Variants in PSTPIP2 observed in about 807,000 individuals in gnomAD.
The protein encoded by PSTPIP2 is proline-serine-threonine phosphatase interacting protein 2.
In PSTPIP2, 33 loss-of-function variants were observed where a neutral mutation model predicts 63.3. The observed-to-expected ratio is 0.52, with a 90% CI of 0.40 to 0.70. PSTPIP2 has a LOEUF of 0.70. PSTPIP2 is among the 30% of genes least tolerant of loss of function. PSTPIP2 has a pLI of 0.00. For synonymous variants in PSTPIP2, 125 were observed against 132.7 expected (o/e 0.94, Z 0.40); for missense variants, 312 against 400.7 (o/e 0.78, Z 1.89).
chr18:46,025,120 C>G (rs1290124685), intron 2 of PSTPIP2, among the ~76,000 whole-genome samples: 1 of 152,132 alleles, frequency 6.6e-6, no homozygotes, highest in African/African-American at 2.4e-5. Flanking sequence ...TATAAAAACA[C>G]TGATTGTTAC....
rs756384731 is a variant in PSTPIP2, at chr18:46,006,360, C to CTTTTTT, written c.355-835_355-830dup. ...TGAGCCACCATGCCCAGCCCTGGTA[C>CTTTTTT]TTTTTTTTTTTTTTTTTTTTTTTTT... On this transcript the variant is annotated intron_variant, in intron 5 of 14. Coordinates refer to ENST00000409746, the MANE Select transcript of PSTPIP2 (RefSeq NM_024430.4). Among the ~76,000 whole-genome samples the CTTTTTT allele has an allele frequency of 1.6e-4, 18 of 115,646 alleles. 9 individuals are homozygous for CTTTTTT. Among genetic ancestry groups the CTTTTTT allele is most frequent in the African/African-American group, 2.2e-4 (6 of 27,118 alleles). 75.9% of individuals were successfully genotyped at this position (115,646 alleles called of 152,430 possible).
intron 1 of PSTPIP2, among the ~76,000 whole-genome samples, chr18:46,066,662 A>C (rs1909199457): frequency 6.6e-6 from 1 of 152,236 alleles, no homozygotes; most frequent in Non-Finnish European, 1.5e-5. Flanking sequence ...CTTCTAAAGA[A>C]GCCAGAGCCC....
chr18:46,034,197 G>A (rs58261051), intron 2 of PSTPIP2, among the ~76,000 whole-genome samples: 9,951 of 152,112 alleles, frequency 0.065, 417 homozygotes, highest in African/African-American at 0.12. Context: ...CTGAGGCACC[G>A]GGGCTGTGGA....
chr18:45,985,445 T>C lies in PSTPIP2; in HGVS notation c.*14A>G, dbSNP rs1412287171. The C allele has an allele frequency of 1.2e-6, 2 of 1,613,330 alleles. No homozygotes were observed. The highest frequency in any genetic ancestry group is 1.7e-6 in the Non-Finnish European group (2 of 1,179,798). ...CAGAAGCACTAGCCGGAAAAAGCTC[T>C]GGTTTCTGAAAGAAAATAACAAAGA... On this transcript the variant is annotated 3_prime_UTR_variant, in exon 15 of 15. Coordinates refer to ENST00000409746, the MANE Select transcript of PSTPIP2 (RefSeq NM_024430.4).
intron 2 of PSTPIP2, among the ~76,000 whole-genome samples, chr18:46,025,246 G>A (rs951808994): frequency 5.3e-5 from 8 of 152,008 alleles, no homozygotes; most frequent in South Asian, 2.1e-4. Flanking sequence ...TAAACCATAC[G>A]ATTAGGACAG....
At chr18:46,040,734 G>A (rs1214926737) in intron 1 of PSTPIP2, among the ~76,000 whole-genome samples, 1 of 152,224 alleles carries the variant, frequency 6.6e-6, no homozygotes, top group East Asian at 1.9e-4. Flanking sequence ...GAAGAACAAT[G>A]GAAGAAGTAA....
intron 5 of PSTPIP2, among the ~76,000 whole-genome samples, chr18:46,009,934 A>C (rs1037934114): frequency 2.0e-5 from 3 of 152,222 alleles, no homozygotes; most frequent in African/African-American, 7.2e-5. Context: ...GGCACTCCTC[A>C]AACCTGATAC....
intron 4 of PSTPIP2, among the ~76,000 whole-genome samples, chr18:46,013,596 C>A (rs1233052100): frequency 6.6e-6 from 1 of 151,946 alleles, no homozygotes; most frequent in Non-Finnish European, 1.5e-5. Flanking sequence ...AAATAAAAAT[C>A]TGTTGGCTGA....
At chr18:46,052,281 C>T (rs1453443945) in intron 1 of PSTPIP2, among the ~76,000 whole-genome samples, 2 of 152,222 alleles carry the variant, frequency 1.3e-5, no homozygotes, top group African/African-American at 4.8e-5. Context: ...CCAAGTACAA[C>T]GTTTAGGCCC....
intron 1 of PSTPIP2, among the ~76,000 whole-genome samples, chr18:46,063,300 C>T (rs942252521): frequency 3.3e-5 from 5 of 152,056 alleles, no homozygotes; most frequent in African/African-American, 1.2e-4. Context: ...CCACAGCGCC[C>T]AATCATAAGA....
intron 3 of PSTPIP2, among the ~76,000 whole-genome samples, chr18:46,024,093 A>T (rs1269539503): frequency 6.6e-6 from 1 of 151,990 alleles, no homozygotes; most frequent in Non-Finnish European, 1.5e-5. Flanking sequence ...GTACAGTGAC[A>T]CGCGCCTGTA....
At chr18:46,012,289 C>T (rs190673128) in intron 4 of PSTPIP2, among the ~76,000 whole-genome samples, 1 of 151,808 alleles carries the variant, frequency 6.6e-6, no homozygotes, top group African/African-American at 2.4e-5. Context: ...AACAGCACAA[C>T]CTTTCTGGAG....
intron 4 of PSTPIP2, among the ~76,000 whole-genome samples, chr18:46,014,886 G>A (rs1236076135): frequency 2.0e-5 from 3 of 152,158 alleles, no homozygotes; most frequent in African/African-American, 7.2e-5. Context: ...TGAAAATATG[G>A]ATATGTACAT....
At chr18:46,010,988 A>G in intron 5 of PSTPIP2, 193 bp downstream of exon 5, 1 of 535,728 alleles carries the variant, frequency 1.9e-6, no homozygotes. Flanking sequence ...ACTTTAAAAA[A>G]GGACAACTGG....
intron 1 of PSTPIP2, among the ~76,000 whole-genome samples, chr18:46,061,070 G>A (rs1317732279): frequency 3.9e-5 from 6 of 152,172 alleles, no homozygotes; most frequent in African/African-American, 9.7e-5. Flanking sequence ...TCGGGAGGCC[G>A]AGATGGGCAG....
intron 2 of PSTPIP2, among the ~76,000 whole-genome samples, chr18:46,027,772 G>C (rs565403092): frequency 3.8e-4 from 58 of 152,226 alleles, no homozygotes; most frequent in African/African-American, 1.3e-3. Context: ...AAGTGAAGCT[G>C]AAAGAATTAC....
chr18:46,049,839 C>G (rs1908526981), intron 1 of PSTPIP2, among the ~76,000 whole-genome samples: 1 of 151,940 alleles, frequency 6.6e-6, no homozygotes, highest in African/African-American at 2.4e-5. Flanking sequence ...GAGATCACGC[C>G]ACGGCACTCC....
At chr18:46,053,100 T>C (rs930123341) in intron 1 of PSTPIP2, among the ~76,000 whole-genome samples, 2 of 152,174 alleles carry the variant, frequency 1.3e-5, no homozygotes, top group Admixed American at 1.3e-4. Flanking sequence ...CCAGTGTCCA[T>C]TGTTTATTCC....
At chr18:45,995,747 G>A (rs559210520) in intron 9 of PSTPIP2, among the ~76,000 whole-genome samples, 5 of 152,324 alleles carry the variant, frequency 3.3e-5, no homozygotes, top group South Asian at 2.1e-4. Context: ...TTCAAAAAGC[G>A]TGGCTGTGAA....
Sources: allele counts gnomAD v4.1 joint callset (sites outside exome capture counted in the v4.1 genomes callset), GRCh38; gene constraint gnomAD v4.1.1; transcripts MANE v1.5; gene names NCBI Gene and HGNC (gene_info 2026-07-23, HGNC 2026-07-21).